Variants in RP1 observed in about 807,000 individuals in gnomAD.
RP1 encodes the protein oxygen-regulated protein 1.
RP1 carries 16 observed loss-of-function variants against 14.8 expected under a neutral mutation model. The observed-to-expected ratio is 1.08, with a 90% confidence interval of 0.73 to 1.65. The LOEUF is 1.65. RP1 is among the 40% of genes most tolerant of loss of function. The pLI, the probability that RP1 is intolerant of heterozygous loss-of-function variation, is 0.00. For missense variants in RP1, 2,631 were observed against 2,535.0 expected, an observed-to-expected ratio of 1.04 and a Z score of -0.81; for synonymous variants, 876 against 883.6, an observed-to-expected ratio of 0.99 and a Z score of 0.15.
intron 17 of RP1, among the ~76,000 whole-genome samples, chr8:54,733,171 A>G (rs1020743857): frequency 6.6e-6 from 1 of 152,172 alleles, no homozygotes; most frequent in African/African-American, 2.4e-5. Context: ...TTGCAGTTAA[A>G]CATCCCATAG....
intron 15 of RP1, among the ~76,000 whole-genome samples, chr8:54,718,396 C>A (rs746353188): frequency 3.3e-5 from 5 of 152,064 alleles, no homozygotes; most frequent in Non-Finnish European, 7.4e-5. Flanking sequence ...GAATAGAAAG[C>A]CTAGAAATAG....
Position 54,627,038 on chromosome 8 carries a change from T to G in RP1, c.3156T>G (p.Val1052=). ...AEKSGPEKKL[V]YQEINLARKR... Reference sequence around the variant, plus strand: ...AATCAGGACCAGAGAAAAAACTTGTTTACCAGGAAATAAACCTAGCTAGAA... The same window carrying G: ...AATCAGGACCAGAGAAAAAACTTGTGTACCAGGAAATAAACCTAGCTAGAA... Residue 1052 remains valine (V), a synonymous_variant, in exon 4 of 4, where the codon GTT becomes GTG. Coordinates refer to ENST00000220676, the MANE Select transcript of RP1 (RefSeq NM_006269.2). The G allele has an allele frequency of 1.2e-6, 2 of 1,613,972 alleles. No individual in the cohort carries two copies. Among genetic ancestry groups the G allele is most frequent in the African/African-American group, 1.3e-5 (1 of 75,030 alleles).
intron 7 of RP1, among the ~76,000 whole-genome samples, chr8:54,664,477 TGCATA>T (rs1325470015): frequency 6.6e-6 from 1 of 152,154 alleles, no homozygotes; most frequent in Non-Finnish European, 1.5e-5. Context: ...TGTGCTGTTT[TGCATA>T]GCAGTTGTAC....
chr8:54,601,794 T>A (rs989196019), intron 1 of RP1, among the ~76,000 whole-genome samples: 2 of 152,092 alleles, frequency 1.3e-5, no homozygotes, highest in African/African-American at 4.8e-5. Context: ...TGGATGAATC[T>A]CAAAAGCACT....
intron 1 of RP1, among the ~76,000 whole-genome samples, chr8:54,592,146 T>G (rs1319051469): frequency 2.6e-5 from 4 of 152,246 alleles, no homozygotes; most frequent in Non-Finnish European, 5.9e-5. Flanking sequence ...ATTCTTACAA[T>G]TTGAATCCCT....
intron 6 of RP1, among the ~76,000 whole-genome samples, chr8:54,658,145 C>T (rs1046682412): frequency 2.0e-5 from 3 of 152,168 alleles, no homozygotes; most frequent in Non-Finnish European, 2.9e-5. Context: ...ATTTTAACTA[C>T]TTTAGATACA....
rs532003203 is a variant in RP1, at chr8:54,783,767, G to A, written c.3615+57G>A. On this transcript the variant is annotated intron_variant, in intron 24 of 28. Transcript: ENST00000637698. The stretch of plus-strand genomic sequence containing the variant: ...AAGATATATTGTGATATACATCCCC[G>A]AAGATGAAATGGAGTGTAATTTTTT... 8.1e-4 allele frequency: 900 copies of A among 1,110,582 alleles called. 5 individuals carry two copies. The highest frequency in any genetic ancestry group is 1.9e-3 in the East Asian group (59 of 31,122). The allele number at this position is 1,110,582 out of a possible 1,614,324, so 68.8% of individuals were successfully genotyped here. A position where few individuals can be genotyped will look rare whatever the true frequency, so the allele number is the denominator to read the frequency against.
chr8:54,785,825 T>C (rs1294491851), intron 24 of RP1, among the ~76,000 whole-genome samples: 1 of 152,108 alleles, frequency 6.6e-6, no homozygotes, highest in Non-Finnish European at 1.5e-5. Flanking sequence ...GCCATTGGTG[T>C]GTTTTCACTG....
chr8:54,617,872 T>C (rs1805758503), intron 1 of RP1, among the ~76,000 whole-genome samples: 1 of 152,236 alleles, frequency 6.6e-6, no homozygotes, highest in Non-Finnish European at 1.5e-5. Context: ...TTCCAAATGA[T>C]GACATTGTGC....
chr8:54,776,152 T>C (rs1396480247), intron 23 of RP1, among the ~76,000 whole-genome samples: 1 of 152,222 alleles, frequency 6.6e-6, no homozygotes, highest in Non-Finnish European at 1.5e-5. Flanking sequence ...TATGGGAGGA[T>C]GTGCATAGGT....
At chr8:54,805,127 C>T (rs1810816702) in intron 24 of RP1, among the ~76,000 whole-genome samples, 1 of 152,170 alleles carries the variant, frequency 6.6e-6, no homozygotes, top group Non-Finnish European at 1.5e-5. Flanking sequence ...GAAATCTGAA[C>T]AAAACATTTG....
chr8:54,694,992 T>G (rs978934324), intron 12 of RP1, among the ~76,000 whole-genome samples: 1 of 152,196 alleles, frequency 6.6e-6, no homozygotes, highest in Non-Finnish European at 1.5e-5. Context: ...CTGCTTTGAA[T>G]GTGTCCCAGA....
In RP1 at chr8:54,628,277, G is replaced by A. The variant is rs773235667; in HGVS notation, c.4395G>A (p.Leu1465=). The stretch of plus-strand genomic sequence containing the variant: ...CAAGTGAAAGAAACATTTCAGAATT[G>A]GAATCTTTTGAAGAATTAGAAAACC... ...MTSSERNISE[L]ESFEELENHD... The change falls in exon 4 of 4, where the codon TTG becomes TTA. Residue 1465 remains leucine, a synonymous_variant. Transcript: ENST00000220676. The A allele has an allele frequency of 6.2e-7, 1 of 1,613,820 alleles. No homozygotes were observed. Among genetic ancestry groups the A allele is most frequent in the East Asian group, 2.2e-5 (1 of 44,848 alleles).
rs1337945613 is a variant in RP1 at position 54,652,691 on chromosome 8, C to G, written c.952-89C>G. ...TTATGTCTTCTTAATGAATTGACCC[C>G]TTTATCAACATTTCATGTCCTAATC... is the stretch of plus-strand genomic sequence containing the variant. On this transcript the variant is annotated intron_variant, in intron 4 of 22. Transcript: ENST00000636932. 3.6e-6 allele frequency: 3 copies of G among 833,278 alleles called. No individual in the cohort carries two copies. In the African/African-American group the frequency reaches 5.1e-5, roughly 14 times the overall value. The allele number at this position is 833,278 out of a possible 1,614,324, so 51.6% of individuals were successfully genotyped here. A position where few individuals can be genotyped will look rare whatever the true frequency, so the allele number is the denominator to read the frequency against.
chr8:54,833,794 G>A (rs1283476439), intron 24 of RP1, among the ~76,000 whole-genome samples: 4 of 151,908 alleles, frequency 2.6e-5, no homozygotes, highest in Admixed American at 2.6e-4. Context: ...AAGCATCAAA[G>A]TATTAATAAG....
intron 5 of RP1, chr8:54,655,950 A>G (rs1329089770): frequency 1.8e-6 from 1 of 550,818 alleles, no homozygotes; most frequent in Non-Finnish European, 3.0e-6. Flanking sequence ...AGAAATTAGC[A>G]CTGTCAAATT....
intron 7 of RP1, among the ~76,000 whole-genome samples, chr8:54,668,568 G>A (rs758867368): frequency 2.6e-5 from 4 of 152,100 alleles, no homozygotes; most frequent in Non-Finnish European, 5.9e-5. Context: ...ACATTGCCAA[G>A]ACAATCCTAA....
intron 5 of RP1, among the ~76,000 whole-genome samples, chr8:54,653,597 A>G (rs1014202926): frequency 1.3e-5 from 2 of 152,204 alleles, no homozygotes; most frequent in African/African-American, 4.8e-5. Flanking sequence ...GTAATTCCTT[A>G]AAAACATTAA....
intron 19 of RP1, among the ~76,000 whole-genome samples, chr8:54,741,749 A>ATATATATATATG (rs1809103969): frequency 7.7e-6 from 1 of 130,618 alleles, no homozygotes; most frequent in Non-Finnish European, 1.6e-5. Flanking sequence ...ATATATATAT[A>ATATATATATATG]TGTTTATATG....
Sources: allele counts gnomAD v4.1 joint callset (sites outside exome capture counted in the v4.1 genomes callset), GRCh38; gene constraint gnomAD v4.1.1; transcripts MANE v1.5; gene names NCBI Gene and HGNC (gene_info 2026-07-23, HGNC 2026-07-21).